Variants in GOLM2 observed in about 807,000 individuals in gnomAD.
GOLM2 encodes the protein golgi membrane protein 2, also known as protein GOLM2.
Under a neutral mutation model 55.9 loss-of-function variants are expected in GOLM2, and 26 were observed. The ratio of observed to expected loss-of-function variants is 0.47; its 90% CI spans 0.34 to 0.65. GOLM2 has a LOEUF of 0.65. Among genes scored for constraint, GOLM2 ranks in the 30% least tolerant of loss-of-function variants. The pLI, the probability that GOLM2 is intolerant of heterozygous loss-of-function variation, is 0.01. For missense variants in GOLM2, 486 were observed against 531.8 expected (o/e 0.91, Z 0.85); for synonymous variants, 165 against 194.6 (o/e 0.85, Z 1.27).
chr15:44,304,311 G>A (rs1222986061), intron 1 of GOLM2, among the ~76,000 whole-genome samples: 2 of 134,476 alleles, frequency 1.5e-5, no homozygotes. Context: ...GCATGATCTC[G>A]GCTCACTGCA....
chr15:44,296,746 T>A (rs1340711740), intron 1 of GOLM2, among the ~76,000 whole-genome samples: 1 of 152,146 alleles, frequency 6.6e-6, no homozygotes, highest in East Asian at 1.9e-4. Context: ...CTCCTGAATG[T>A]CTGACTGTTT....
At chr15:44,333,293 G>A (rs1567027821) in intron 4 of GOLM2, among the ~76,000 whole-genome samples, 1 of 151,988 alleles carries the variant, frequency 6.6e-6, no homozygotes, top group Non-Finnish European at 1.5e-5. Flanking sequence ...GAACTCTTGT[G>A]ATTTAAAGGA....
intron 6 of GOLM2, among the ~76,000 whole-genome samples, chr15:44,346,313 GA>G (rs924826100): frequency 0.017 from 2,485 of 145,396 alleles, 167 homozygotes; most frequent in Admixed American, 0.12. Context: ...TGGGGAGCTT[GA>G]AAAAAAAAAA....
chr15:44,309,626 A>T (rs2078860441), intron 1 of GOLM2, among the ~76,000 whole-genome samples: 1 of 152,210 alleles, frequency 6.6e-6, no homozygotes, highest in Non-Finnish European at 1.5e-5. Flanking sequence ...AATAGTAAAG[A>T]AGACATTCTA....
chr15:44,384,185 A>G (rs990053659), intron 8 of GOLM2, among the ~76,000 whole-genome samples: 2 of 152,118 alleles, frequency 1.3e-5, no homozygotes, highest in African/African-American at 2.4e-5. Context: ...ACAAACTATC[A>G]CCACTCTAGT....
At chr15:44,333,229 G>A (rs1007263429) in intron 4 of GOLM2, among the ~76,000 whole-genome samples, 2 of 152,166 alleles carry the variant, frequency 1.3e-5, no homozygotes, top group Admixed American at 1.3e-4. Flanking sequence ...ACCGCGCACA[G>A]CCAATTCATT....
At chr15:44,407,369 G>T (rs1159944718) in intron 9 of GOLM2, among the ~76,000 whole-genome samples, 1 of 150,880 alleles carries the variant, frequency 6.6e-6, no homozygotes, top group Non-Finnish European at 1.5e-5. Flanking sequence ...GGGGTCAAGT[G>T]ATCCTCCCAC....
Position 44,379,765 on chromosome 15 carries a change from C to G in GOLM2, c.878C>G (p.Pro293Arg), listed in dbSNP as rs745948289. 5 of 1,609,982 alleles carry G rather than the reference C, an allele frequency of 3.1e-6. No homozygotes were observed. In the Admixed American group the frequency reaches 5.0e-5, roughly 16 times the overall value. The change falls in exon 7 of 10, where the codon CCT becomes CGT. Residue 293 changes from proline (P) to arginine (R), a missense_variant. Physicochemically the swap from Pro to Arg is moderately radical, Grantham distance 103 (BLOSUM62 -2). Transcript: ENST00000299957. Reference sequence around the variant, plus strand: ...ATCTCCCATCTTCCAACTGGACAACCTCTCTCCCCAAATATGCCTCCAGGT... The same window carrying G: ...ATCTCCCATCTTCCAACTGGACAACGTCTCTCCCCAAATATGCCTCCAGGT... ...QAISHLPTGQ[P>R]LSPNMPPDSH... is the part of the protein sequence containing the mutation.
At chr15:44,330,157 G>A (rs1202063258) in intron 3 of GOLM2, among the ~76,000 whole-genome samples, 14 of 135,922 alleles carry the variant, frequency 1.0e-4, no homozygotes, top group African/African-American at 3.6e-4. Context: ...TGATCCACCC[G>A]CCTCGGCCTC....
At chr15:44,306,806 GT>G (rs1181302931) in intron 1 of GOLM2, among the ~76,000 whole-genome samples, 2 of 152,060 alleles carry the variant, frequency 1.3e-5, no homozygotes. Context: ...GGTAACTCCC[GT>G]TATCGTCTCC....
At chr15:44,372,720 C>G (rs989552035) in intron 6 of GOLM2, among the ~76,000 whole-genome samples, 1 of 152,152 alleles carries the variant, frequency 6.6e-6, no homozygotes, top group Non-Finnish European at 1.5e-5. Context: ...AGTCCCAGCC[C>G]CCAGTTACCT....
chr15:44,299,077 A>G (rs562279973), intron 1 of GOLM2, among the ~76,000 whole-genome samples: 1 of 152,308 alleles, frequency 6.6e-6, no homozygotes, highest in South Asian at 2.1e-4. Flanking sequence ...CAGAAGCCAG[A>G]AGCCAGGAGC....
At chr15:44,379,308 C>G (rs1334208910) in intron 6 of GOLM2, among the ~76,000 whole-genome samples, 1 of 152,032 alleles carries the variant, frequency 6.6e-6, no homozygotes, top group Admixed American at 6.6e-5. Context: ...GAAACCCCAT[C>G]TCTACTGAAA....
intron 1 of GOLM2, among the ~76,000 whole-genome samples, chr15:44,296,472 G>GA (rs1186134508): frequency 5.9e-5 from 9 of 152,086 alleles, no homozygotes; most frequent in Admixed American, 5.2e-4. Context: ...GTTGAATGGG[G>GA]AAAAGGTCAT....
intron 1 of GOLM2, among the ~76,000 whole-genome samples, chr15:44,306,401 TA>T (rs2078837580): frequency 6.6e-6 from 1 of 152,170 alleles, no homozygotes; most frequent in Non-Finnish European, 1.5e-5. Context: ...TGAAGAGAGT[TA>T]AGTCCTTGCT....
At chr15:44,339,488 G>T (rs975158323) in intron 6 of GOLM2, among the ~76,000 whole-genome samples, 2 of 152,096 alleles carry the variant, frequency 1.3e-5, no homozygotes, top group Non-Finnish European at 2.9e-5. Flanking sequence ...ACAGGTGTGT[G>T]CCACCAAGCT....
intron 6 of GOLM2, among the ~76,000 whole-genome samples, chr15:44,378,748 T>TTTTA (rs1275728606): frequency 2.0e-5 from 3 of 152,062 alleles, no homozygotes; most frequent in African/African-American, 4.8e-5. Flanking sequence ...AAGAGATTCA[T>TTTTA]TTTATTTATT....
At chr15:44,409,330 G>A (rs2079619565) in intron 9 of GOLM2, among the ~76,000 whole-genome samples, 1 of 150,862 alleles carries the variant, frequency 6.6e-6, no homozygotes, top group South Asian at 2.1e-4. Context: ...GGTCATGCCT[G>A]TAATCTAGCA....
At chr15:44,333,270 G>T (rs1213785245) in intron 4 of GOLM2, among the ~76,000 whole-genome samples, 1 of 152,040 alleles carries the variant, frequency 6.6e-6, no homozygotes, top group Non-Finnish European at 1.5e-5. Flanking sequence ...ACCTAACCAG[G>T]CATGATTTTT....
Sources: allele counts gnomAD v4.1 joint callset (sites outside exome capture counted in the v4.1 genomes callset), GRCh38; gene constraint gnomAD v4.1.1; transcripts MANE v1.5; gene names NCBI Gene and HGNC (gene_info 2026-07-23, HGNC 2026-07-21).